The following USP14 variants were observed in gnomAD, a reference collection of about 807,000 sequenced individuals.
The protein encoded by USP14 is ubiquitin specific peptidase 14, also known as ubiquitin carboxyl-terminal hydrolase 14.
USP14 carries 38 observed loss-of-function variants against 76.5 expected under a neutral mutation model. The observed-to-expected ratio is 0.50, with a 90% CI of 0.38 to 0.65. The LOEUF is 0.65. Ranked by LOEUF, USP14 falls within the 30% of genes least tolerant of loss-of-function variation. The probability of loss-of-function intolerance (pLI) is 0.00; values close to 1 mark genes in which losing one functional copy is unlikely to be tolerated. For missense variants in USP14, 467 were observed against 586.5 expected (o/e 0.80, Z 2.10); for synonymous variants, 192 against 191.7 (o/e 1.00, Z -0.01).
chr18:176,159 CAAAA>C (rs375338291), intron 3 of USP14, among the ~76,000 whole-genome samples: 1 of 145,534 alleles, frequency 6.9e-6, no homozygotes, highest in Admixed American at 6.9e-5. Flanking sequence ...TGTGTCCCCC[CAAAA>C]AAAAAACATT....
chr18:189,018 A>G (rs910577635), intron 5 of USP14, among the ~76,000 whole-genome samples: 7 of 151,982 alleles, frequency 4.6e-5, no homozygotes, highest in African/African-American at 1.7e-4. Context: ...TTCTAAAGTC[A>G]GTTTTGGTAA....
intron 3 of USP14, among the ~76,000 whole-genome samples, chr18:173,128 AGAC>A (rs1909513091): frequency 7.0e-6 from 1 of 143,566 alleles, no homozygotes; most frequent in Non-Finnish European, 1.5e-5. Flanking sequence ...TTTTTCTTTG[AGAC>A]GGAGTCTCAC....
chr18:203,035 A>G (rs1910425417), intron 11 of USP14, 63 bp from the exon 12 acceptor site: 1 of 1,602,850 alleles, frequency 6.2e-7, no homozygotes, highest in Admixed American at 1.7e-5. Flanking sequence ...TTTTACCACC[A>G]AATAATTAAA....
chr18:198,002 A>G (rs768036719), intron 8 of USP14, 45 bp from the exon 9 acceptor site: 9 of 1,503,566 alleles, frequency 6.0e-6, no homozygotes, highest in Non-Finnish European at 8.2e-6. Context: ...GAAAATCTAC[A>G]TTAATATTTA....
At chr18:158,919 T>C in intron 1 of USP14, 2 of 716,658 alleles carry the variant, frequency 2.8e-6, no homozygotes, top group Non-Finnish European at 1.9e-6. Context: ...GCCGTCCCCC[T>C]GAGCCACCGA....
intron 5 of USP14, among the ~76,000 whole-genome samples, chr18:182,292 T>A (rs1222826240): frequency 1.3e-5 from 2 of 152,238 alleles, no homozygotes; most frequent in Non-Finnish European, 2.9e-5. Flanking sequence ...ACTGTCTTGA[T>A]ACATAAATTG....
At chr18:184,815 G>C (rs1326415344) in intron 5 of USP14, among the ~76,000 whole-genome samples, 1 of 151,960 alleles carries the variant, frequency 6.6e-6, no homozygotes, top group East Asian at 1.9e-4. Context: ...AATGATGGAG[G>C]GTAGAAGGAA....
At chr18:180,484 G>C in intron 5 of USP14, 145 bp downstream of exon 5, 1 of 599,574 alleles carries the variant, frequency 1.7e-6, no homozygotes. Flanking sequence ...GCTTTTTATA[G>C]TATTTACAAG....
Position 211,192 on chromosome 18 carries a change from C to G in USP14, c.1393C>G (p.Arg465Gly). Residue 465 changes from arginine to glycine, a missense_variant, in exon 16 of 16, where the codon CGG (arginine) becomes GGG (glycine). Arg to Gly is a moderately radical substitution (Grantham distance 125). Coordinates refer to ENST00000261601, the MANE Select transcript of USP14 (RefSeq NM_005151.4). The part of the protein sequence containing the change: ...VSIVTPEDIL[R>G]LSGGGDWHIA... The stretch of plus-strand genomic sequence containing the variant: ...CATCGTAACACCAGAAGATATCTTA[C>G]GGCTTTCTGGTGGTGGAGACTGGCA... The G allele has an allele frequency of 6.2e-7, 1 of 1,613,902 alleles. No individual in the cohort carries two copies. Among genetic ancestry groups the G allele is most frequent in the Non-Finnish European group, 8.5e-7 (1 of 1,179,860 alleles).
chr18:171,025 AATATATATATAT>A (rs57888885), intron 3 of USP14, among the ~76,000 whole-genome samples: 752 of 47,668 alleles, frequency 0.016, 29 homozygotes, highest in African/African-American at 0.053. Flanking sequence ...AAAAAAAAAA[AATATATATATAT>A]ATATATATAT....
Position 159,927 on chromosome 18 carries a change from C to G in USP14, c.16+1213C>G, listed in dbSNP as rs150167598. Among the ~76,000 whole-genome samples, 11 of 152,290 alleles carry G rather than the reference C, an allele frequency of 7.2e-5. No homozygotes were observed. In the East Asian group the frequency reaches 1.2e-3, roughly 16 times the overall value. ...CCTTTGACCTCTCCATATTGAGAAT[C>G]TGTATTTTGAGGGTCAGCAAAAAGC... On this transcript the variant is annotated intron_variant, in intron 1 of 15. Coordinates refer to ENST00000261601, the MANE Select transcript of USP14 (RefSeq NM_005151.4).
At chr18:184,862 AG>A (rs761268220) in intron 5 of USP14, among the ~76,000 whole-genome samples, 1 of 152,214 alleles carries the variant, frequency 6.6e-6, no homozygotes, top group Non-Finnish European at 1.5e-5. Flanking sequence ...TTAGCTTAAG[AG>A]GCAGTAAGGA....
At chr18:205,135 C>G (rs1488263919) in intron 13 of USP14, among the ~76,000 whole-genome samples, 1 of 152,112 alleles carries the variant, frequency 6.6e-6, no homozygotes, top group African/African-American at 2.4e-5. Context: ...CTAGGCCTCC[C>G]AGAGTGCTGG....
At chr18:173,147 T>C (rs547678688) in intron 3 of USP14, among the ~76,000 whole-genome samples, 31 of 152,050 alleles carry the variant, frequency 2.0e-4, no homozygotes, top group African/African-American at 2.7e-4. Flanking sequence ...CTCACCCTGT[T>C]GCCCAGGCTG....
intron 5 of USP14, among the ~76,000 whole-genome samples, chr18:182,208 T>C (rs1229090941): frequency 6.6e-6 from 1 of 152,206 alleles, no homozygotes; most frequent in East Asian, 1.9e-4. Flanking sequence ...GGTCTACAAA[T>C]AAGGGCCCTT....
intron 3 of USP14, among the ~76,000 whole-genome samples, chr18:174,723 C>T (rs962612548): frequency 4.0e-5 from 6 of 151,792 alleles, no homozygotes; most frequent in African/African-American, 1.5e-4. Context: ...TCCCACCTCA[C>T]CCTCCTGAGT....
intron 2 of USP14, among the ~76,000 whole-genome samples, chr18:166,307 GC>G (rs1909269068): frequency 6.6e-6 from 1 of 152,020 alleles, no homozygotes; most frequent in African/African-American, 2.4e-5. Flanking sequence ...TGAAACCCTG[GC>G]TTTAGTACCA....
intron 3 of USP14, among the ~76,000 whole-genome samples, chr18:174,203 T>C (rs62073490): frequency 0.013 from 2,044 of 152,252 alleles, 22 homozygotes; most frequent in Non-Finnish European, 0.02. Flanking sequence ...TTTATTTAAA[T>C]GTTCAATGTT....
intron 3 of USP14, among the ~76,000 whole-genome samples, chr18:177,633 G>T (rs1335736116): frequency 2.9e-4 from 41 of 139,134 alleles, no homozygotes; most frequent in Middle Eastern, 3.7e-3. Flanking sequence ...TTCCCTCCCT[G>T]TTTTTTTTTT....
Sources: gnomAD v4.1 joint callset for allele counts (sites outside exome capture counted in the v4.1 genomes callset) on GRCh38, gnomAD v4.1.1 for gene constraint, MANE v1.5 for transcripts, NCBI Gene and HGNC (gene_info 2026-07-23, HGNC 2026-07-21) for gene names.